Variants in HEATR6 observed in about 807,000 individuals in gnomAD.
HEATR6 encodes the protein HEAT repeat-containing protein 6.
In HEATR6, 106 loss-of-function variants were observed where a neutral mutation model predicts 132.8. The observed-to-expected ratio is 0.80, with a 90% CI of 0.68 to 0.94. HEATR6 has a LOEUF of 0.94. Among genes scored for constraint, HEATR6 ranks in the 40% least tolerant of loss-of-function variants. The pLI is 0.00. For missense variants in HEATR6, 1,339 were observed against 1,425.1 expected (o/e 0.94, Z 0.97); for synonymous variants, 529 against 537.8 (o/e 0.98, Z 0.23).
At chr17:60,066,740 G>A (rs1339359062) in intron 8 of HEATR6, among the ~76,000 whole-genome samples, 1 of 152,162 alleles carries the variant, frequency 6.6e-6, no homozygotes, top group East Asian at 1.9e-4. Context: ...ACCTATGTAT[G>A]TGCCAGGCAT....
chr17:60,060,623 A>G (rs1568626000), intron 9 of HEATR6, among the ~76,000 whole-genome samples: 1 of 152,216 alleles, frequency 6.6e-6, no homozygotes, highest in Non-Finnish European at 1.5e-5. Flanking sequence ...TAGAAAAAAC[A>G]CATGTGCCTA....
chr17:60,059,885 A>C lies in HEATR6; in HGVS notation c.1623+5T>G. The stretch of plus-strand genomic sequence containing the variant: ...CTGCTCTGGAACCCACAGTTGGTAC[A>C]TTACCTTAATTATCTGAGTAACGGT... On this transcript the variant is annotated splice_donor_5th_base_variant and intron_variant, in intron 10 of 19. Transcript: ENST00000184956. 6.2e-7 allele frequency: 1 copy of C among 1,611,184 alleles called. No homozygotes were observed. The highest frequency in any genetic ancestry group is 1.3e-5 in the African/African-American group (1 of 74,966).
At chr17:60,077,403 G>GT (rs1286431367) in intron 1 of HEATR6, among the ~76,000 whole-genome samples, 1 of 152,220 alleles carries the variant, frequency 6.6e-6, no homozygotes, top group Non-Finnish European at 1.5e-5. Flanking sequence ...AAAAGGGGGA[G>GT]TAACAGGAGA....
chr17:60,060,022 A>C lies in HEATR6; in HGVS notation c.1491T>G (p.Asp497Glu), dbSNP rs1906881523. 1 of 1,613,930 alleles carries C rather than the reference A, an allele frequency of 6.2e-7. No homozygotes were observed. Among genetic ancestry groups the C allele is most frequent in the African/African-American group, 1.3e-5 (1 of 74,928 alleles). ...GSKQFLSVAE[D>E]TSDHRRAFTP... The stretch of plus-strand genomic sequence containing the variant: ...TAAAAGCCCTTCTGTGGTCACTGGT[A>C]TCTTCAGCAACAGAAAGAAACTGCT... The change falls in exon 10 of 20, where the codon GAT (aspartate) becomes GAG (glutamate). Residue 497 changes from aspartate (D) to glutamate (E), a missense_variant. By Grantham distance (45) the Asp-to-Glu change is conservative (BLOSUM62 2). Transcript: ENST00000184956.
chr17:60,055,030 A>G (rs1906699023), intron 14 of HEATR6, among the ~76,000 whole-genome samples: 1 of 152,104 alleles, frequency 6.6e-6, no homozygotes, highest in Admixed American at 6.5e-5. Context: ...TCCTTGTGGT[A>G]ATGAGTGAAC....
rs754265089 is a variant in HEATR6 at position 60,059,968 on chromosome 17, G to A, written c.1545C>T (p.Ser515=). 6.2e-7 allele frequency: 1 copy of A among 1,613,876 alleles called. No individual in the cohort carries two copies. Among genetic ancestry groups the A allele is most frequent in the South Asian group, 1.1e-5 (1 of 91,074 alleles). The change falls in exon 10 of 20, where the codon AGC becomes AGT. Residue 515 remains serine (S), a synonymous_variant. Coordinates refer to ENST00000184956, the MANE Select transcript of HEATR6 (RefSeq NM_022070.5). ...FTPFSVMIAC[S]IRELHRCLLL... ...AAAGACATCTGTGCAACTCTCTAAT[G>A]CTGCAAGCGATCATTACGGAGAAGG...
rs1906521121 is a variant in HEATR6, at chr17:60,049,842, A to C, written c.2425-140T>G. ...ATTGCGACCTTGAGGCTACCCTGGT[A>C]AAAAGCAGGTTCAATTCAGATTCCA... On this transcript the variant is annotated intron_variant, in intron 15 of 19. Transcript: ENST00000184956. The C allele has an allele frequency of 5.8e-6, 5 of 866,728 alleles. No individual in the cohort carries two copies. In the African/African-American group the frequency reaches 6.8e-5, roughly 12 times the overall value. The allele number at this position is 866,728 out of a possible 1,614,324, so 53.7% of individuals were successfully genotyped here.
chr17:60,060,080 A>T lies in HEATR6; in HGVS notation c.1433T>A (p.Leu478Gln). 6.2e-7 allele frequency: 1 copy of T among 1,613,888 alleles called. No homozygotes were observed. The highest frequency in any genetic ancestry group is 8.5e-7 in the Non-Finnish European group (1 of 1,179,842). Residue 478 changes from leucine (L) to glutamine (Q), a missense_variant, in exon 10 of 20, where the codon CTG becomes CAG. By Grantham distance (113) the Leu-to-Gln change is moderately radical. Coordinates refer to ENST00000184956, the MANE Select transcript of HEATR6 (RefSeq NM_022070.5). ...DPSPKTRACALQVLSAILEGS... is the reference protein window; with the variant it reads ...DPSPKTRACAQQVLSAILEGS... Reference sequence around the variant, plus strand: ...TTCCAAGATGGCAGATAAAACTTGCAGAGCACAGGCACGTGTCTGAAATTT... The same window carrying T: ...TTCCAAGATGGCAGATAAAACTTGCTGAGCACAGGCACGTGTCTGAAATTT...
At chr17:60,059,804 A>C in intron 10 of HEATR6, 86 bp downstream of exon 10, 1 of 976,532 alleles carries the variant, frequency 1.0e-6, no homozygotes, top group East Asian at 2.4e-5. Context: ...TTATATTCTT[A>C]AGTCAAGTTA....
chr17:60,052,437 C>T (rs1179410765), intron 14 of HEATR6, among the ~76,000 whole-genome samples: 1 of 151,408 alleles, frequency 6.6e-6, no homozygotes, highest in African/African-American at 2.4e-5. Context: ...TTTTTTTTCA[C>T]AGATGAACAC....
chr17:60,049,122 A>AGTGTGTGTGTGTGTGTGTGTGTGTGTGT (rs531092208), intron 16 of HEATR6, among the ~76,000 whole-genome samples: 12 of 134,848 alleles, frequency 8.9e-5, no homozygotes, highest in African/African-American at 3.0e-4. Context: ...AGAGACAGAG[A>AGTGTGTGTGTGTGTGTGTGTGTGTGTGT]GTGTGTGTGT....
rs371035100 is a variant in HEATR6, at chr17:60,049,997, CAAAGA to C, written c.2425-300_2425-296del. Among the ~76,000 whole-genome samples, 23 of 152,004 alleles carry C rather than the reference CAAAGA, an allele frequency of 1.5e-4. No individual in the cohort carries two copies. The East Asian group carries it at 4.2e-3, about 28-fold the overall frequency. ...AATGGAGGCAAATGTCACTGAGGACCAAAGAAAAAAAGCAGTCTGAATACTGCTAT... is the reference window on the plus strand; with the variant it reads ...AATGGAGGCAAATGTCACTGAGGACCAAAAAAGCAGTCTGAATACTGCTAT... On this transcript the variant is annotated intron_variant, in intron 15 of 19. Transcript: ENST00000184956.
At chr17:60,049,122 A>AGTGTGTGT (rs531092208) in intron 16 of HEATR6, among the ~76,000 whole-genome samples, 10,469 of 134,770 alleles carry the variant, frequency 0.078, 485 homozygotes, top group African/African-American at 0.12. Flanking sequence ...AGAGACAGAG[A>AGTGTGTGT]GTGTGTGTGT....
chr17:60,050,379 A>G (rs1472090663), intron 15 of HEATR6, among the ~76,000 whole-genome samples: 1 of 152,218 alleles, frequency 6.6e-6, no homozygotes, highest in Non-Finnish European at 1.5e-5. Context: ...GTATTTTATT[A>G]TAACAGCTCA....
At chr17:60,058,663 G>A (rs552595289) in intron 11 of HEATR6, among the ~76,000 whole-genome samples, 8 of 152,236 alleles carry the variant, frequency 5.3e-5, no homozygotes, top group African/African-American at 1.9e-4. Context: ...CTTGCTGTTA[G>A]GAAGAAATTA....
chr17:60,056,813 G>A (rs1235459355), intron 12 of HEATR6, among the ~76,000 whole-genome samples: 1 of 152,126 alleles, frequency 6.6e-6, no homozygotes, highest in East Asian at 1.9e-4. Context: ...AATACCTGAA[G>A]GGACTAAAAT....
In HEATR6 at chr17:60,049,604, A is replaced by G; in HGVS notation, c.2523T>C (p.Tyr841=). 6.2e-7 allele frequency: 1 copy of G among 1,613,940 alleles called. No homozygotes were observed. The highest frequency in any genetic ancestry group is 2.2e-5 in the East Asian group (1 of 44,880). ...CCTGTCTGAGACAGGGAAAAAGCAC[A>G]TAGACTCCCAGGGCCCGTGAAGTTG... ...KAATSRALGV[Y]VLFPCLRQDV... is the part of the protein sequence containing the mutation. Residue 841 remains tyrosine (Y), a synonymous_variant, in exon 16 of 20, where the codon TAT becomes TAC. Coordinates refer to ENST00000184956, the MANE Select transcript of HEATR6 (RefSeq NM_022070.5).
chr17:60,056,074 T>G, intron 13 of HEATR6, 41 bp downstream of exon 13: 3 of 1,605,048 alleles, frequency 1.9e-6, no homozygotes, highest in Non-Finnish European at 2.6e-6. Flanking sequence ...GGATATAAAG[T>G]GAAGAGAAGG....
At chr17:60,065,396 A>G (rs2083235303) in intron 9 of HEATR6, among the ~76,000 whole-genome samples, 1 of 152,250 alleles carries the variant, frequency 6.6e-6, no homozygotes, top group Non-Finnish European at 1.5e-5. Flanking sequence ...TCTTAAAAAC[A>G]GAAAAGGAAC....
Sources: gnomAD v4.1 joint callset for allele counts (sites outside exome capture counted in the v4.1 genomes callset) on GRCh38, gnomAD v4.1.1 for gene constraint, MANE v1.5 for transcripts, NCBI Gene and HGNC (gene_info 2026-07-23, HGNC 2026-07-21) for gene names.